Variants in GSN observed in about 807,000 individuals in gnomAD.
GSN encodes the protein gelsolin.
A neutral mutation model predicts 85.7 loss-of-function variants in GSN; 56 were observed. The ratio of observed to expected loss-of-function variants is 0.65; its 90% CI spans 0.53 to 0.82. The LOEUF (loss-of-function observed/expected upper bound fraction) is 0.82, where lower values mean the gene tolerates loss of function less well. GSN is among the 40% of genes least tolerant of loss of function. The pLI is 0.00. For missense variants in GSN, 857 were observed against 979.8 expected (o/e 0.87, Z 1.67); for synonymous variants, 373 against 399.1 (o/e 0.93, Z 0.78).
chr9:121,205,244 A>G (rs981846153), upstream of GSN, among the ~76,000 whole-genome samples: 1 of 152,218 alleles, frequency 6.6e-6, no homozygotes, highest in African/African-American at 2.4e-5. Context: ...GATTGGAGAC[A>G]TGGGAGGGAA....
Position 121,302,147 on chromosome 9 carries a change from A to G in GSN, c.176A>G (p.Tyr59Cys), listed in dbSNP as rs1483153444. The G allele has an allele frequency of 2.5e-6, 4 of 1,613,968 alleles. No homozygotes were observed. Among genetic ancestry groups the G allele is most frequent in the African/African-American group, 2.7e-5 (2 of 74,922 alleles). ...CAGCTGAGGAACGGAAATCTGCAGTATGACCTCCACTACTGGCTGGGTGAG... is the reference window on the plus strand; with the variant it reads ...CAGCTGAGGAACGGAAATCTGCAGTGTGACCTCCACTACTGGCTGGGTGAG... The part of the protein sequence containing the change: ...TVQLRNGNLQ[Y>C]DLHYWLGNEC... The change falls in exon 3 of 18, where the codon TAT (tyrosine) becomes TGT (cysteine). Residue 59 changes from tyrosine (Y) to cysteine (C), a missense_variant. Transcript: ENST00000432226.
At chr9:121,234,160 TG>T (rs199843554) in intron 5 of GSN, among the ~76,000 whole-genome samples, 3 of 122,824 alleles carry the variant, frequency 2.4e-5, no homozygotes, top group Admixed American at 8.4e-5. Flanking sequence ...CCACCACATG[TG>T]GCTTCTTCTT....
rs368149840 is a variant in GSN at position 121,332,389 on chromosome 9, A to G, written c.2027-45A>G. ...TCACCCTCTCCCTGGTGTGGGAGGC[A>G]CTAAGAATTCCTGGGGTTTCCTTTT... On this transcript the variant is annotated intron_variant, in intron 17 of 17. Transcript: ENST00000432226. This position sits in a 1 kb window ranked among gnomAD's most constrained non-coding sequence, Gnocchi z 4.8. The G allele has an allele frequency of 6.4e-7, 1 of 1,565,936 alleles. No individual in the cohort carries two copies. The highest frequency in any genetic ancestry group is 1.3e-5 in the African/African-American group (1 of 74,106).
At chr9:121,202,376 C>G in the GSN span, among the ~76,000 whole-genome samples, 1 of 152,178 alleles carries the variant, frequency 6.6e-6, no homozygotes, top group Non-Finnish European at 1.5e-5. Flanking sequence ...CAACAAACGT[C>G]GGAGGCACGC....
Position 121,311,131 on chromosome 9 carries a change from T to C in GSN, c.513+286T>C, listed in dbSNP as rs117054038. ...TCACATGCTTATAAATATATAACAG[T>C]CATGGGCAAACACTCTGGGCTTTTG... On this transcript the variant is annotated intron_variant, in intron 5 of 17. Coordinates refer to ENST00000432226, the MANE Select transcript of GSN (RefSeq NM_198252.3). The C allele has an allele frequency of 1.6e-3, 754 of 465,158 alleles. 6 individuals carry two copies. Among genetic ancestry groups the C allele is most frequent in the Non-Finnish European group, 1.8e-3 (445 of 252,672 alleles). The allele number at this position is 465,158 out of a possible 1,614,324, so 28.8% of individuals were successfully genotyped here.
At chr9:121,242,154 A>G (rs1196028164) in intron 5 of GSN, among the ~76,000 whole-genome samples, 1 of 152,234 alleles carries the variant, frequency 6.6e-6, no homozygotes, top group African/African-American at 2.4e-5. Flanking sequence ...GTTAAATGGG[A>G]TAATAAATAC....
intron 2 of GSN, among the ~76,000 whole-genome samples, chr9:121,298,836 C>T (rs1272084101): frequency 6.6e-6 from 1 of 152,078 alleles, no homozygotes; most frequent in African/African-American, 2.4e-5. Flanking sequence ...AAGTAGGCCT[C>T]CTTCAGTTTG....
chr9:121,331,549 G>C (rs1189491233), intron 17 of GSN, 101 bp downstream of exon 17: 1 of 732,472 alleles, frequency 1.4e-6, no homozygotes, highest in African/African-American at 1.8e-5. Flanking sequence ...CTTTCCAGGG[G>C]ACTGATGGAC....
At chr9:121,215,975 G>A (rs868695395) in intron 4 of GSN, among the ~76,000 whole-genome samples, 2 of 152,086 alleles carry the variant, frequency 1.3e-5, no homozygotes, top group Non-Finnish European at 2.9e-5. Context: ...TGGACTGAAA[G>A]GCTCTTAGGC....
chr9:121,228,324 C>T (rs1233973984), intron 4 of GSN, among the ~76,000 whole-genome samples: 1 of 149,070 alleles, frequency 6.7e-6, no homozygotes, highest in Non-Finnish European at 1.5e-5. Flanking sequence ...TAACTGTTAC[C>T]CCCCAGTTCT....
intron 2 of GSN, chr9:121,286,599 C>A (rs2058109734): frequency 6.7e-7 from 1 of 1,497,776 alleles, no homozygotes; most frequent in South Asian, 1.3e-5. Context: ...TTTGTGCTCC[C>A]AGGGCCCACA....
intron 11 of GSN, among the ~76,000 whole-genome samples, chr9:121,321,712 T>A (rs1047777251): frequency 1.3e-5 from 2 of 149,590 alleles, no homozygotes; most frequent in East Asian, 1.9e-4. Context: ...CAAGCCAAAA[T>A]TTTTTTAAAT....
intron 5 of GSN, among the ~76,000 whole-genome samples, chr9:121,237,439 C>T (rs1410709812): frequency 1.3e-5 from 2 of 152,114 alleles, no homozygotes; most frequent in African/African-American, 4.8e-5. Context: ...GTAGCACATG[C>T]CTGTAGTCCC....
chr9:121,318,375 A>G lies in GSN; in HGVS notation c.887-31A>G. 2 of 1,582,572 alleles carry G rather than the reference A, an allele frequency of 1.3e-6. No individual in the cohort carries two copies. Among genetic ancestry groups the G allele is most frequent in the Non-Finnish European group, 1.7e-6 (2 of 1,151,294 alleles). On this transcript the variant is annotated intron_variant, in intron 8 of 17. Transcript: ENST00000432226. This position sits in a 1 kb window ranked among gnomAD's most constrained non-coding sequence, Gnocchi z 4.3. ...GATGCAGCAGGATCCCGGGCCTCTAACCCTCCATCACTTCCTCTGGCTGCC... is the reference window on the plus strand; with the variant it reads ...GATGCAGCAGGATCCCGGGCCTCTAGCCCTCCATCACTTCCTCTGGCTGCC...
chr9:121,275,215 G>A (rs1399192777), intron 1 of GSN, among the ~76,000 whole-genome samples: 10 of 152,202 alleles, frequency 6.6e-5, no homozygotes, highest in Non-Finnish European at 1.3e-4. Context: ...ATCCCAGGCC[G>A]AAGAAGTGGA....
At chr9:121,310,048 AGAAT>A (rs1233311561) in intron 4 of GSN, 9 of 152,854 alleles carry the variant, frequency 5.9e-5, no homozygotes, top group African/African-American at 1.7e-4. Flanking sequence ...AGAGGGAAAG[AGAAT>A]GAAAGAAAGA....
At chr9:121,237,512 C>T (rs368681362) in intron 5 of GSN, among the ~76,000 whole-genome samples, 4 of 152,200 alleles carry the variant, frequency 2.6e-5, no homozygotes, top group Admixed American at 6.5e-5. Context: ...GCTCACACCA[C>T]GGTACTCCAG....
In GSN at chr9:121,215,220, C is replaced by A. The variant is rs1253999189; in HGVS notation, c.-528+4353C>A. Among the ~76,000 whole-genome samples, 5 of 150,076 alleles carry A rather than the reference C, an allele frequency of 3.3e-5. 1 individual carries two copies. The highest frequency in any genetic ancestry group is 4.9e-5 in the African/African-American group (2 of 40,972). On this transcript the variant is annotated intron_variant, in intron 4 of 24. Coordinates refer to the GSN transcript ENST00000373823. ...CCAGTCATATTGAATTAAGGACCCC[C>A]CCCCCCACACTCATATATGACCCAT... is the stretch of plus-strand genomic sequence containing the variant.
At chr9:121,304,949 G>A (rs1272064843) in intron 4 of GSN, among the ~76,000 whole-genome samples, 1 of 152,200 alleles carries the variant, frequency 6.6e-6, no homozygotes, top group Non-Finnish European at 1.5e-5. Flanking sequence ...GTGGGGTGAT[G>A]TGGGATCCCA....
Sources: gnomAD v4.1 joint callset for allele counts (sites outside exome capture counted in the v4.1 genomes callset) on GRCh38, gnomAD v4.1.1 for gene constraint, Gnocchi (gnomAD v3.1) non-coding constraint, MANE v1.5 for transcripts, NCBI Gene and HGNC (gene_info 2026-07-23, HGNC 2026-07-21) for gene names.